The following SYNPR variants were observed in gnomAD, a reference collection of about 807,000 sequenced individuals.
The protein encoded by SYNPR is synaptoporin.
Under a neutral mutation model 32.9 loss-of-function variants are expected in SYNPR, and 23 were observed. The ratio of observed to expected loss-of-function variants is 0.70; its 90% CI spans 0.50 to 0.99. The LOEUF (loss-of-function observed/expected upper bound fraction) is 0.99, where lower values mean the gene tolerates loss of function less well. Ranked by LOEUF, SYNPR falls within the 50% of genes least tolerant of loss-of-function variation. The pLI, the probability that SYNPR is intolerant of heterozygous loss-of-function variation, is 0.00. For synonymous variants in SYNPR, 146 were observed against 135.9 expected, an observed-to-expected ratio of 1.07 and a Z score of -0.52; for missense variants, 318 against 349.3, an observed-to-expected ratio of 0.91 and a Z score of 0.71.
At chr3:63,402,560 A>T (rs1575626288) in intron 2 of SYNPR, among the ~76,000 whole-genome samples, 1 of 152,182 alleles carries the variant, frequency 6.6e-6, no homozygotes, top group Non-Finnish European at 1.5e-5. Context: ...TTAAGAGGAA[A>T]AAAGGCCAGC....
chr3:63,503,309 G>C (rs1701519160), intron 3 of SYNPR, among the ~76,000 whole-genome samples: 1 of 151,896 alleles, frequency 6.6e-6, no homozygotes, highest in South Asian at 2.1e-4. Context: ...TTTCCTTATT[G>C]TTGAGGTTTA....
In SYNPR at chr3:63,237,722, G is replaced by T. The variant is rs529261276; in HGVS notation, n.66+9342G>T. Among the ~76,000 whole-genome samples, 5 of 152,132 alleles carry T rather than the reference G, an allele frequency of 3.3e-5. No homozygotes were observed. The South Asian group carries it at 1.0e-3, about 32-fold the overall frequency. ...AATACAGAGATCTTGGCCTCGTTTT[G>T]TCGGCTGTGATGTCAATGACAGCTT... On this transcript the variant is annotated intron_variant and non_coding_transcript_variant, in intron 1 of 4. Transcript: ENST00000478456.
At position 63,615,305 on chromosome 3, in the gene SYNPR, C is replaced by T; in HGVS notation, c.682C>T (p.Gln228Ter). The change falls in exon 6 of 6, where the codon CAG (glutamine) becomes TAG (stop). Residue 228 changes from glutamine (Q) to a stop codon, truncating the protein, a stop_gained. Transcript: ENST00000478300. LOFTEE classifies it high-confidence loss of function. Reference sequence around the variant, plus strand: ...GGAGACCGGCTGGCATTCTTCGGGACAGAGATATCTTTCAGATCCAATGGA... The same window carrying T: ...GGAGACCGGCTGGCATTCTTCGGGATAGAGATATCTTTCAGATCCAATGGA... ...FKETGWHSSG[Q>*]RYLSDPMEKH... 3 of 1,613,820 alleles carry T rather than the reference C, an allele frequency of 1.9e-6. No individual in the cohort carries two copies. The highest frequency in any genetic ancestry group is 1.6e-4 in the Middle Eastern group (1 of 6,062).
chr3:63,237,854 T>A (rs1284532867), intron 1 of SYNPR, among the ~76,000 whole-genome samples: 1 of 152,042 alleles, frequency 6.6e-6, no homozygotes. Context: ...GGTAGGGATT[T>A]CTCCAGGCCT....
chr3:63,327,953 A>T (rs769112471), intron 2 of SYNPR, among the ~76,000 whole-genome samples: 1 of 152,224 alleles, frequency 6.6e-6, no homozygotes, highest in Non-Finnish European at 1.5e-5. Flanking sequence ...TGTGAAAAGG[A>T]TCAGGAGAGG....
intron 2 of SYNPR, among the ~76,000 whole-genome samples, chr3:63,399,690 T>C (rs1156591542): frequency 1.3e-5 from 2 of 152,184 alleles, no homozygotes; most frequent in African/African-American, 2.4e-5. Context: ...CAGGTGGACC[T>C]TGCCTGTGGT....
chr3:63,311,079 GC>G (rs2086958948), intron 2 of SYNPR, among the ~76,000 whole-genome samples: 1 of 152,010 alleles, frequency 6.6e-6, no homozygotes, highest in Non-Finnish European at 1.5e-5. Context: ...ATGAACAGAT[GC>G]CAGGAGAAAG....
At chr3:63,259,215 C>T (rs1575578573) in intron 2 of SYNPR, among the ~76,000 whole-genome samples, 2 of 152,176 alleles carry the variant, frequency 1.3e-5, no homozygotes, top group Admixed American at 1.3e-4. Flanking sequence ...CTCCCTAACT[C>T]ATTTTATGAG....
At chr3:63,254,363 C>G (rs1297983655) in intron 2 of SYNPR, among the ~76,000 whole-genome samples, 1 of 151,962 alleles carries the variant, frequency 6.6e-6, no homozygotes, top group Non-Finnish European at 1.5e-5. Flanking sequence ...TAAATCAGCA[C>G]TTTTAAAACT....
At chr3:63,475,659 C>T (rs1239551422) in intron 2 of SYNPR, among the ~76,000 whole-genome samples, 2 of 152,234 alleles carry the variant, frequency 1.3e-5, no homozygotes, top group East Asian at 3.9e-4. Context: ...ATTACAGAGT[C>T]ATCCTCAAAT....
the SYNPR span, chr3:63,203,068 G>GTGTGTATA: frequency 9.3e-4 from 101 of 108,564 alleles, 2 homozygotes; most frequent in South Asian, 7.8e-3. Context: ...ATATGTATGT[G>GTGTGTATA]TATATATATA....
intron 4 of SYNPR, among the ~76,000 whole-genome samples, chr3:63,563,974 G>GAA (rs56364011): frequency 6.8e-6 from 1 of 145,996 alleles, no homozygotes; most frequent in Non-Finnish European, 1.5e-5. Flanking sequence ...CTCAAATATG[G>GAA]AAAAAAAAAA....
chr3:63,611,366 G>A (rs529078750), intron 5 of SYNPR, among the ~76,000 whole-genome samples: 7 of 152,292 alleles, frequency 4.6e-5, no homozygotes, highest in Admixed American at 1.3e-4. Flanking sequence ...CCATTTGACC[G>A]AAACTTGGCT....
chr3:63,266,250 A>ATT (rs11457877), intron 2 of SYNPR, among the ~76,000 whole-genome samples: 16 of 150,156 alleles, frequency 1.1e-4, no homozygotes, highest in Admixed American at 2.7e-4. Flanking sequence ...TTCTTTTTCT[A>ATT]TTTTTTTTTT....
intron 2 of SYNPR, among the ~76,000 whole-genome samples, chr3:63,409,312 G>A (rs2088430664): frequency 6.6e-6 from 1 of 151,974 alleles, no homozygotes; most frequent in African/African-American, 2.4e-5. Context: ...CATTTCTGCT[G>A]TAACTACATC....
rs1412869828 is a variant in SYNPR, at chr3:63,503,888, TTTAA to T, written c.209+22939_209+22942del. Among the ~76,000 whole-genome samples, 23 of 152,160 alleles carry T rather than the reference TTTAA, an allele frequency of 1.5e-4. No individual in the cohort carries two copies. In the South Asian group the frequency reaches 2.9e-3, roughly 19 times the overall value. ...TGAATTATTTAGATATCAATAATAT[TTTAA>T]TTAATTTATATGAATAGGATATTGC... On this transcript the variant is annotated intron_variant, in intron 3 of 5. Transcript: ENST00000478300.
At chr3:63,268,891 T>G (rs1420947444) in intron 3 of SYNPR, among the ~76,000 whole-genome samples, 1 of 152,230 alleles carries the variant, frequency 6.6e-6, no homozygotes, top group Non-Finnish European at 1.5e-5. Flanking sequence ...CTTTTGACAT[T>G]TTTGCACTGT....
intron 2 of SYNPR, among the ~76,000 whole-genome samples, chr3:63,467,597 G>A (rs1214359089): frequency 6.6e-6 from 1 of 152,156 alleles, no homozygotes; most frequent in Non-Finnish European, 1.5e-5. Flanking sequence ...TAAAGCACTT[G>A]GCACATTGCC....
intron 2 of SYNPR, among the ~76,000 whole-genome samples, chr3:63,324,446 G>T (rs1055277889): frequency 3.3e-5 from 5 of 152,098 alleles, no homozygotes; most frequent in African/African-American, 1.2e-4. Flanking sequence ...AGGTGACATG[G>T]CTTGATTTGG....
Sources: gnomAD v4.1 joint callset for allele counts (sites outside exome capture counted in the v4.1 genomes callset) on GRCh38, gnomAD v4.1.1 for gene constraint, MANE v1.5 for transcripts, NCBI Gene and HGNC (gene_info 2026-07-23, HGNC 2026-07-21) for gene names.